CADM4: variants seen among roughly 807,000 people sequenced by gnomAD.
The protein encoded by CADM4 is TSLC1-like 2.
Under a neutral mutation model 43.9 loss-of-function variants are expected in CADM4, and 13 were observed. That is an observed-to-expected ratio of 0.30 (90% CI 0.19 to 0.47). CADM4 has a LOEUF of 0.47. Ranked by LOEUF, CADM4 falls within the 20% of genes least tolerant of loss-of-function variation. The pLI, the probability that CADM4 is intolerant of heterozygous loss-of-function variation, is 1.00. For missense variants in CADM4, 420 were observed against 527.0 expected, an observed-to-expected ratio of 0.80 and a Z score of 1.99; for synonymous variants, 209 against 220.9, an observed-to-expected ratio of 0.95 and a Z score of 0.48.
At position 43,626,074 on chromosome 19, in the gene CADM4, C is replaced by T. The variant is rs756518549; in HGVS notation, c.664+50G>A. 4 of 1,611,380 alleles carry T rather than the reference C, an allele frequency of 2.5e-6. No homozygotes were observed. The highest frequency in any genetic ancestry group is 2.2e-5 in the South Asian group (2 of 90,856). ...AGGACAAGGGGGACCCTCGCGGGTGCGGGTGGCTGGCGTTGGGATCCCTTG... is the reference window on the plus strand; with the variant it reads ...AGGACAAGGGGGACCCTCGCGGGTGTGGGTGGCTGGCGTTGGGATCCCTTG... On this transcript the variant is annotated intron_variant, in intron 5 of 8. Coordinates refer to ENST00000222374, the MANE Select transcript of CADM4 (RefSeq NM_145296.2). This position sits in a 1 kb window ranked among gnomAD's most constrained non-coding sequence, Gnocchi z 5.9.
At chr19:43,641,340 CT>C (rs1973769340), upstream of CADM4, among the ~76,000 whole-genome samples, 2 of 152,202 alleles carry the variant, frequency 1.3e-5, no homozygotes, top group Admixed American at 6.5e-5. Context: ...TTCACACACC[CT>C]TTCTGTCCTC....
At chr19:43,624,332 A>C in intron 7 of CADM4, 90 bp from the exon 8 acceptor site, 1 of 1,536,892 alleles carries the variant, frequency 6.5e-7, no homozygotes, top group South Asian at 1.2e-5. Context: ...CATTCTGCAC[A>C]CGTCTAACCG....
rs1568540826 is a variant in CADM4 at position 43,626,666 on chromosome 19, A to G, written c.499+118T>C. On this transcript the variant is annotated intron_variant, in intron 4 of 8. Coordinates refer to ENST00000222374, the MANE Select transcript of CADM4 (RefSeq NM_145296.2). This position sits in a 1 kb window ranked among gnomAD's most constrained non-coding sequence, Gnocchi z 5.9. ...GCGTGAGCCACCGCGCTCGACATCA[A>G]CCACTACATATTGAATGTCCAGTGT... is the stretch of plus-strand genomic sequence containing the variant. The G allele has an allele frequency of 1.0e-5, 14 of 1,342,610 alleles. No individual in the cohort carries two copies. The highest frequency in any genetic ancestry group is 1.4e-5 in the Non-Finnish European group (14 of 1,000,142). The allele number at this position is 1,342,610 out of a possible 1,614,324, so 83.2% of individuals were successfully genotyped here. A position where few individuals can be genotyped will look rare whatever the true frequency, so the allele number is the denominator to read the frequency against.
chr19:43,633,293 C>T (rs1215495853), intron 1 of CADM4, among the ~76,000 whole-genome samples: 3 of 152,082 alleles, frequency 2.0e-5, no homozygotes, highest in Non-Finnish European at 2.9e-5. Context: ...AGGCTGGTCT[C>T]CAACTCCTGG....
rs1364350402 is a variant in CADM4, at chr19:43,622,996, T to G, written c.*334A>C. 1 of 12,312 alleles carries G rather than the reference T, an allele frequency of 8.1e-5. No homozygotes were observed. Among genetic ancestry groups the G allele is most frequent in the Non-Finnish European group, 1.9e-4 (1 of 5,192 alleles). The allele number at this position is 12,312 out of a possible 1,614,324, so 0.8% of individuals were successfully genotyped here. A position where few individuals can be genotyped will look rare whatever the true frequency, so the allele number is the denominator to read the frequency against. On this transcript the variant is annotated 3_prime_UTR_variant, in exon 9 of 9. Transcript: ENST00000222374. ...CCACCCTTCCCAGAAACTGACCCCC[T>G]CCCCACAAGACCTGGTTTTGTAGCC...
intron 8 of CADM4, 78 bp downstream of exon 8, chr19:43,624,036 T>G (rs1384426512): frequency 6.4e-7 from 1 of 1,562,842 alleles, no homozygotes; most frequent in East Asian, 2.3e-5. Context: ...CGCCCTCTCG[T>G]TACCCTGGCT....
At position 43,626,357 on chromosome 19, in the gene CADM4, C is replaced by A; in HGVS notation, c.500-69G>T. On this transcript the variant is annotated intron_variant, in intron 4 of 8. Transcript: ENST00000222374. This position sits in a 1 kb window ranked among gnomAD's most constrained non-coding sequence, Gnocchi z 5.9. ...CCATCCACCCACCCACCCGAGCCAA[C>A]GCCAAAGCAGGCTATTTGCCAAGCT... 2 of 1,567,582 alleles carry A rather than the reference C, an allele frequency of 1.3e-6. No individual in the cohort carries two copies. Among genetic ancestry groups the A allele is most frequent in the South Asian group, 2.3e-5 (2 of 87,900 alleles).
In CADM4 at chr19:43,623,208, T is replaced by TA; in HGVS notation, c.*121dup. On this transcript the variant is annotated 3_prime_UTR_variant, in exon 9 of 9. Transcript: ENST00000222374. The surrounding 1 kb of genome is among the most constrained non-coding windows in gnomAD (Gnocchi z 4.4). Reference sequence around the variant, plus strand: ...ATCCCTGCCCAAGCGTCTGAGGTGTTAGTGGTGGGGGGAGAAGCCCACCAT... The same window carrying TA: ...ATCCCTGCCCAAGCGTCTGAGGTGTTAAGTGGTGGGGGGAGAAGCCCACCAT... The TA allele has an allele frequency of 1.4e-6, 1 of 735,842 alleles. No individual in the cohort carries two copies. Among genetic ancestry groups the TA allele is most frequent in the East Asian group, 2.5e-5 (1 of 40,678 alleles). 45.6% of individuals were successfully genotyped at this position (735,842 alleles called of 1,614,324 possible). A position where few individuals can be genotyped will look rare whatever the true frequency, so the allele number is the denominator to read the frequency against.
intron 7 of CADM4, 51 bp from the exon 8 acceptor site, chr19:43,624,293 C>G (rs1973488216): frequency 6.2e-7 from 1 of 1,612,236 alleles, no homozygotes; most frequent in African/African-American, 1.3e-5. Flanking sequence ...CGATCCCAGT[C>G]TGGCCCCATC....
chr19:43,641,353 G>A (rs531574070), upstream of CADM4, among the ~76,000 whole-genome samples: 2 of 152,296 alleles, frequency 1.3e-5, no homozygotes, highest in South Asian at 4.1e-4. Context: ...TCTGTCCTCA[G>A]TACCCAGCTC....
intron 1 of CADM4, among the ~76,000 whole-genome samples, 161 bp downstream of exon 1, chr19:43,639,566 C>G (rs1973745603): frequency 6.7e-6 from 1 of 150,120 alleles, no homozygotes; most frequent in African/African-American, 2.4e-5. Context: ...CCCCGCTCGT[C>G]GCTCCCGGCT....
At chr19:43,632,215 A>C (rs1178974838) in intron 1 of CADM4, among the ~76,000 whole-genome samples, 1 of 152,026 alleles carries the variant, frequency 6.6e-6, no homozygotes, top group Non-Finnish European at 1.5e-5. Context: ...CTCATCCCCA[A>C]TATCCATTCC....
intron 1 of CADM4, among the ~76,000 whole-genome samples, chr19:43,637,450 G>A (rs1233422461): frequency 1.3e-5 from 2 of 152,096 alleles, no homozygotes; most frequent in Admixed American, 6.5e-5. Context: ...GAGGGACAAG[G>A]ACTGATGCAA....
At chr19:43,631,790 A>G (rs141892686) in intron 1 of CADM4, among the ~76,000 whole-genome samples, 9 of 152,302 alleles carry the variant, frequency 5.9e-5, no homozygotes, top group African/African-American at 2.2e-4. Flanking sequence ...GGATGGCGGA[A>G]CCAAGAGCTG....
intron 1 of CADM4, among the ~76,000 whole-genome samples, chr19:43,634,257 T>C (rs932704512): frequency 2.0e-5 from 3 of 152,224 alleles, no homozygotes; most frequent in Non-Finnish European, 4.4e-5. Context: ...TGCCCATGCA[T>C]GTGAAAACTG....
At position 43,623,576 on chromosome 19, in the gene CADM4, G is replaced by A. The variant is rs1973474229; in HGVS notation, c.1058-137C>T. 5.8e-6 allele frequency: 4 copies of A among 691,188 alleles called. No homozygotes were observed. Among genetic ancestry groups the A allele is most frequent in the Non-Finnish European group, 1.1e-5 (4 of 378,688 alleles). 42.8% of individuals were successfully genotyped at this position (691,188 alleles called of 1,614,324 possible). ...GAGGGAGAAACGGAACACACAGGGA[G>A]AGGCAGAGAAAGAGGTAAACAGTGG... On this transcript the variant is annotated intron_variant, in intron 8 of 8. Coordinates refer to ENST00000222374, the MANE Select transcript of CADM4 (RefSeq NM_145296.2). The surrounding 1 kb of genome is among the most constrained non-coding windows in gnomAD (Gnocchi z 4.4).
chr19:43,623,976 G>T lies in CADM4; in HGVS notation c.1057+138C>A. The stretch of plus-strand genomic sequence containing the variant: ...TTGTGCCGAAAGCCCCGCCCCCTTT[G>T]TCATCTCCGCCCCCGGTGCGGCGGG... On this transcript the variant is annotated intron_variant, in intron 8 of 8. Transcript: ENST00000222374. The surrounding 1 kb of genome is among the most constrained non-coding windows in gnomAD (Gnocchi z 4.4). 1 of 1,058,846 alleles carries T rather than the reference G, an allele frequency of 9.4e-7. No individual in the cohort carries two copies. 65.6% of individuals were successfully genotyped at this position (1,058,846 alleles called of 1,614,324 possible).
intron 7 of CADM4, 95 bp downstream of exon 7, chr19:43,624,983 C>A: frequency 7.6e-7 from 1 of 1,321,814 alleles, no homozygotes; most frequent in Non-Finnish European, 1.0e-6. Flanking sequence ...CTGTTGGCTG[C>A]CGAACCCCTG....
rs904486593 is a variant in CADM4, at chr19:43,623,223, A to C, written c.*107T>G. 1 of 794,058 alleles carries C rather than the reference A, an allele frequency of 1.3e-6. No individual in the cohort carries two copies. The highest frequency in any genetic ancestry group is 1.7e-5 in the African/African-American group (1 of 58,970). The allele number at this position is 794,058 out of a possible 1,614,324, so 49.2% of individuals were successfully genotyped here. On this transcript the variant is annotated 3_prime_UTR_variant, in exon 9 of 9. Coordinates refer to ENST00000222374, the MANE Select transcript of CADM4 (RefSeq NM_145296.2). The surrounding 1 kb of genome is among the most constrained non-coding windows in gnomAD (Gnocchi z 4.4). Reference sequence around the variant, plus strand: ...TCTGAGGTGTTAGTGGTGGGGGGAGAAGCCCACCATCCCAGACTCTGGTAA... The same window carrying C: ...TCTGAGGTGTTAGTGGTGGGGGGAGCAGCCCACCATCCCAGACTCTGGTAA...
Sources: gnomAD v4.1 joint callset for allele counts (sites outside exome capture counted in the v4.1 genomes callset) on GRCh38, gnomAD v4.1.1 for gene constraint, Gnocchi (gnomAD v3.1) non-coding constraint, MANE v1.5 for transcripts, NCBI Gene and HGNC (gene_info 2026-07-23, HGNC 2026-07-21) for gene names.